NDUFA10: variants seen among roughly 807,000 people sequenced by gnomAD.
NDUFA10 encodes the protein NADH:ubiquinone oxidoreductase subunit A10.
A neutral mutation model predicts 47.8 loss-of-function variants in NDUFA10; 40 were observed. The observed-to-expected ratio is 0.84, with a 90% CI of 0.65 to 1.09. The LOEUF (loss-of-function observed/expected upper bound fraction) is 1.09, where lower values mean the gene tolerates loss of function less well. Among genes scored for constraint, NDUFA10 ranks in the 50% least tolerant of loss-of-function variants. NDUFA10 has a pLI of 0.00. For synonymous variants in NDUFA10, 183 were observed against 172.2 expected, an observed-to-expected ratio of 1.06 and a Z score of -0.49; for missense variants, 413 against 451.1, an observed-to-expected ratio of 0.92 and a Z score of 0.76.
chr2:239,990,578 A>G (rs1047507888), intron 8 of NDUFA10, among the ~76,000 whole-genome samples: 2 of 152,222 alleles, frequency 1.3e-5, no homozygotes, highest in African/African-American at 2.4e-5. Context: ...CCCATTAACA[A>G]TTTTCCAGAT....
intron 4 of NDUFA10, among the ~76,000 whole-genome samples, chr2:239,929,834 C>A (rs546941676): frequency 9.5e-5 from 14 of 146,762 alleles, no homozygotes; most frequent in South Asian, 2.2e-4. Context: ...GCTCCTCCGC[C>A]GGCCCTGCTC....
chr2:239,913,237 G>A (rs575713756), intron 4 of NDUFA10, among the ~76,000 whole-genome samples: 128 of 152,376 alleles, frequency 8.4e-4, no homozygotes, highest in Non-Finnish European at 1.5e-3. Flanking sequence ...GCCCTCCGTG[G>A]GGAGTGACCC....
intron 4 of NDUFA10, among the ~76,000 whole-genome samples, chr2:239,951,616 G>A (rs966733537): frequency 1.3e-5 from 2 of 152,240 alleles, no homozygotes; most frequent in African/African-American, 4.8e-5. Context: ...GGGGCGGCAG[G>A]CTTGGTCACA....
chr2:239,965,733 T>TCAGGG (rs1695032372), intron 9 of NDUFA10, among the ~76,000 whole-genome samples: 1 of 152,208 alleles, frequency 6.6e-6, no homozygotes, highest in Admixed American at 6.5e-5. Context: ...CTGTCAGAAG[T>TCAGGG]CAGGGCTTCT....
intron 4 of NDUFA10, among the ~76,000 whole-genome samples, chr2:239,941,436 G>A (rs1252746740): frequency 1.3e-5 from 2 of 152,102 alleles, no homozygotes; most frequent in Non-Finnish European, 2.9e-5. Context: ...ACATCAAAAC[G>A]ACAAAGTTCA....
At chr2:239,900,257 T>C (rs180741301) in intron 4 of NDUFA10, among the ~76,000 whole-genome samples, 1 of 151,460 alleles carries the variant, frequency 6.6e-6, no homozygotes, top group East Asian at 1.9e-4. Flanking sequence ...GCAGACAGAC[T>C]ATTGTGGGAC....
intron 4 of NDUFA10, among the ~76,000 whole-genome samples, chr2:239,939,579 G>A (rs1431656387): frequency 6.6e-6 from 1 of 152,228 alleles, no homozygotes; most frequent in East Asian, 1.9e-4. Flanking sequence ...TCATTATGAA[G>A]GATTTGACCC....
chr2:239,893,348 G>T (rs1305691961), intron 5 of NDUFA10, among the ~76,000 whole-genome samples: 1 of 152,216 alleles, frequency 6.6e-6, no homozygotes, highest in African/African-American at 2.4e-5. Flanking sequence ...AGAGAGCCTG[G>T]GGGAGGAGTC....
intron 4 of NDUFA10, among the ~76,000 whole-genome samples, chr2:239,903,666 T>C (rs186212170): frequency 1.3e-5 from 2 of 152,336 alleles, no homozygotes; most frequent in East Asian, 3.9e-4. Context: ...ATTCAGAAAA[T>C]CTTTGCAGTT....
intron 4 of NDUFA10, among the ~76,000 whole-genome samples, chr2:239,946,305 G>A (rs895560465): frequency 6.6e-6 from 1 of 152,210 alleles, no homozygotes; most frequent in African/African-American, 2.4e-5. Context: ...CAGCAGACGG[G>A]GAGATGGGTG....
chr2:239,923,455 A>G (rs1216802231), intron 4 of NDUFA10, among the ~76,000 whole-genome samples: 1 of 152,214 alleles, frequency 6.6e-6, no homozygotes, highest in East Asian at 1.9e-4. Context: ...CCAAAGAAGA[A>G]ATCAATAACA....
chr2:239,991,068 C>T (rs1696225580), intron 8 of NDUFA10, among the ~76,000 whole-genome samples: 1 of 152,102 alleles, frequency 6.6e-6, no homozygotes, highest in Non-Finnish European at 1.5e-5. Flanking sequence ...TGGCTCTCGG[C>T]CAGACTTTGT....
chr2:239,946,545 C>T (rs527416745), intron 4 of NDUFA10, among the ~76,000 whole-genome samples: 15 of 152,346 alleles, frequency 9.8e-5, no homozygotes, highest in African/African-American at 3.4e-4. Flanking sequence ...ACCCCCACAC[C>T]GTTCAGGTAT....
intron 6 of NDUFA10, 83 bp from the exon 7 acceptor site, chr2:240,007,453 TCTC>T: frequency 1.0e-6 from 1 of 963,766 alleles, no homozygotes; most frequent in Non-Finnish European, 1.6e-6. Context: ...ACCGCTAAAG[TCTC>T]CTGCTCAAAT....
Position 239,951,006 on chromosome 2 carries a change from G to A in NDUFA10, c.294+39068C>T, listed in dbSNP as rs147903443. Among the ~76,000 whole-genome samples, 121 of 152,336 alleles carry A rather than the reference G, an allele frequency of 7.9e-4. 2 individuals carry two copies. The South Asian group carries it at 0.014, about 17-fold the overall frequency. On this transcript the variant is annotated intron_variant, in intron 4 of 5. Transcript: ENST00000419408. ...CTTCAGCCCCTCGTTCCTTTGTCAG[G>A]TAGTTGCTGAGCCTGGAAGGAGTGC... is the stretch of plus-strand genomic sequence containing the variant.
rs60278142 is a variant in NDUFA10, at chr2:240,019,818, C to CAA, written c.461-1181_461-1180dup. On this transcript the variant is annotated intron_variant, in intron 3 of 9. Coordinates refer to ENST00000252711, the MANE Select transcript of NDUFA10 (RefSeq NM_004544.4). Reference sequence around the variant, plus strand: ...TGGGCGACAGAGCGAGACTCCGTCTCAAAAAAAAAAAAAAAAAAAAAAAAA... The same window carrying CAA: ...TGGGCGACAGAGCGAGACTCCGTCTCAAAAAAAAAAAAAAAAAAAAAAAAAAA... Among the ~76,000 whole-genome samples, 97 of 12,210 alleles carry CAA rather than the reference C, an allele frequency of 7.9e-3. 19 individuals carry two copies. The highest frequency in any genetic ancestry group is 0.022 in the South Asian group (8 of 356). The allele number at this position is 12,210 out of a possible 152,430, so 8.0% of individuals were successfully genotyped here.
intron 6 of NDUFA10, among the ~76,000 whole-genome samples, chr2:240,008,514 C>A (rs957512532): frequency 7.2e-5 from 11 of 152,198 alleles, no homozygotes; most frequent in Admixed American, 4.6e-4. Context: ...ATTCCCTCTG[C>A]AAGTCACCTA....
chr2:240,007,918 G>A (rs1429853422), intron 6 of NDUFA10, among the ~76,000 whole-genome samples: 1 of 152,042 alleles, frequency 6.6e-6, no homozygotes, highest in Non-Finnish European at 1.5e-5. Flanking sequence ...CTTTACACCA[G>A]AGCACCCTCC....
chr2:239,966,583 C>G (rs892761369), intron 9 of NDUFA10, among the ~76,000 whole-genome samples: 11 of 152,174 alleles, frequency 7.2e-5, no homozygotes, highest in African/African-American at 2.7e-4. Context: ...GCTCATCAAA[C>G]CCACTCGTGA....
Sources: gnomAD v4.1 joint callset for allele counts (sites outside exome capture counted in the v4.1 genomes callset) on GRCh38, gnomAD v4.1.1 for gene constraint, MANE v1.5 for transcripts, NCBI Gene and HGNC (gene_info 2026-07-23, HGNC 2026-07-21) for gene names.